Variants in CTNNA2 observed in about 807,000 individuals in gnomAD.
CTNNA2 encodes the protein catenin alpha 2, also known as catenin alpha-2.
In CTNNA2, 42 loss-of-function variants were observed where a neutral mutation model predicts 101.0. The ratio of observed to expected loss-of-function variants is 0.42; its 90% CI spans 0.32 to 0.54. The LOEUF (loss-of-function observed/expected upper bound fraction) is 0.54, where lower values mean the gene tolerates loss of function less well. CTNNA2 is among the 20% of genes least tolerant of loss of function. The pLI is 0.14. For synonymous variants in CTNNA2, 450 were observed against 456.4 expected (o/e 0.99, Z 0.18); for missense variants, 871 against 1,223.1 (o/e 0.71, Z 4.29).
chr2:79,233,767 C>A lies in CTNNA2; in HGVS notation c.-406+35691C>A, dbSNP rs542479038. Among the ~76,000 whole-genome samples, 12 of 152,092 alleles carry A rather than the reference C, an allele frequency of 7.9e-5. No homozygotes were observed. In the South Asian group the frequency reaches 2.1e-3, roughly 26 times the overall value. The stretch of plus-strand genomic sequence containing the variant: ...AAACATATATGTTTAAGATGTTAAA[C>A]CTTCTTATTGAAATGAACCCTTTAT... On this transcript the variant is annotated intron_variant, in intron 2 of 21. Coordinates refer to the CTNNA2 transcript ENST00000466387.
intron 1 of CTNNA2, among the ~76,000 whole-genome samples, chr2:79,625,115 T>G (rs1297944504): frequency 6.6e-6 from 1 of 152,186 alleles, no homozygotes; most frequent in Admixed American, 6.5e-5. Context: ...TTCCATAATT[T>G]TTTGAATAAA....
At chr2:80,601,134 A>C (rs1012401582) in intron 15 of CTNNA2, among the ~76,000 whole-genome samples, 2 of 152,038 alleles carry the variant, frequency 1.3e-5, no homozygotes, top group African/African-American at 4.8e-5. Context: ...AACCTAACAA[A>C]TAATTCTCGT....
At chr2:80,319,075 C>T (rs1347538838) in intron 7 of CTNNA2, among the ~76,000 whole-genome samples, 1 of 152,120 alleles carries the variant, frequency 6.6e-6, no homozygotes, top group Non-Finnish European at 1.5e-5. Flanking sequence ...CAGATGGGAG[C>T]CTGGCCTGGT....
chr2:79,892,544 G>A (rs1056401901), intron 6 of CTNNA2, among the ~76,000 whole-genome samples: 22 of 152,092 alleles, frequency 1.4e-4, no homozygotes, highest in African/African-American at 4.8e-4. Flanking sequence ...AATAGAATGT[G>A]ATTTCCAATT....
intron 3 of CTNNA2, among the ~76,000 whole-genome samples, chr2:79,815,771 A>AT (rs200706378): frequency 0.19 from 29,023 of 149,488 alleles, 3,577 homozygotes; most frequent in East Asian, 0.5. Context: ...TGAATTTTAG[A>AT]TTTTTTTTTT....
chr2:79,297,156 AT>A (rs1178025012), intron 2 of CTNNA2, among the ~76,000 whole-genome samples: 1 of 150,800 alleles, frequency 6.6e-6, no homozygotes, highest in East Asian at 1.9e-4. Flanking sequence ...GATGATTTTG[AT>A]TTTTGATTTT....
At chr2:80,484,776 G>A (rs148189710) in intron 9 of CTNNA2, among the ~76,000 whole-genome samples, 2,537 of 152,268 alleles carry the variant, frequency 0.017, 85 homozygotes, top group African/African-American at 0.057. Context: ...GGAGGCCAAG[G>A]CGGGCGGATC....
At chr2:79,923,623 T>C (rs898188895) in intron 7 of CTNNA2, among the ~76,000 whole-genome samples, 1 of 152,162 alleles carries the variant, frequency 6.6e-6, no homozygotes, top group Non-Finnish European at 1.5e-5. Flanking sequence ...AACTTTGAAA[T>C]ATAAAATACA....
In CTNNA2 at chr2:79,201,789, C is replaced by T. The variant is rs180963181; in HGVS notation, c.-406+3713C>T. On this transcript the variant is annotated intron_variant, in intron 2 of 21. Coordinates refer to the CTNNA2 transcript ENST00000466387. ...CCTTCGTGGTTAGCAAAATGTGAAC[C>T]CCAAATATATGAGATGGGTCTCAGT... 9.9e-4 allele frequency among the ~76,000 whole-genome samples: 150 copies of T among 152,100 alleles called. 1 individual carries two copies. Among genetic ancestry groups the T allele is most frequent in the African/African-American group, 3.6e-3 (148 of 41,488 alleles).
chr2:79,192,782 G>A (rs1283860388), intron 1 of CTNNA2, among the ~76,000 whole-genome samples: 2 of 151,940 alleles, frequency 1.3e-5, no homozygotes, highest in Non-Finnish European at 2.9e-5. Context: ...GAATAAAGTA[G>A]GTGACAAGAA....
chr2:80,424,205 T>C (rs1224597328), intron 9 of CTNNA2, among the ~76,000 whole-genome samples: 2 of 152,112 alleles, frequency 1.3e-5, no homozygotes, highest in Non-Finnish European at 1.5e-5. Flanking sequence ...CTGCCCTCCT[T>C]GGCCTCCCAA....
At chr2:79,288,452 G>A (rs1007727761) in intron 2 of CTNNA2, among the ~76,000 whole-genome samples, 3 of 152,190 alleles carry the variant, frequency 2.0e-5, no homozygotes, top group Admixed American at 6.5e-5. Context: ...CTCATTGATG[G>A]AATTCAGGTA....
intron 2 of CTNNA2, chr2:79,312,614 G>A (rs1453916147): frequency 6.6e-6 from 1 of 152,148 alleles, no homozygotes; most frequent in Non-Finnish European, 1.5e-5. Context: ...ATTATTCCAG[G>A]ATAGGGGCTA....
At chr2:79,213,027 A>C (rs1674196676) in intron 2 of CTNNA2, among the ~76,000 whole-genome samples, 1 of 152,160 alleles carries the variant, frequency 6.6e-6, no homozygotes, top group Non-Finnish European at 1.5e-5. Context: ...GACAGAATAG[A>C]ATGGGCCTGT....
At chr2:80,579,759 G>C (rs1219414836) in intron 13 of CTNNA2, among the ~76,000 whole-genome samples, 4 of 152,200 alleles carry the variant, frequency 2.6e-5, no homozygotes, top group Non-Finnish European at 5.9e-5. Flanking sequence ...CGTGCTATTG[G>C]CACGAAGGAC....
intron 1 of CTNNA2, among the ~76,000 whole-genome samples, chr2:79,580,407 G>C (rs1045543701): frequency 9.9e-5 from 15 of 152,058 alleles, no homozygotes; most frequent in African/African-American, 3.6e-4. Flanking sequence ...GCTGACGGCC[G>C]GCAAGAAAAT....
intron 7 of CTNNA2, among the ~76,000 whole-genome samples, chr2:80,179,216 T>A (rs1402161976): frequency 1.3e-5 from 2 of 152,204 alleles, no homozygotes; most frequent in East Asian, 3.9e-4. Flanking sequence ...TGAAACCACA[T>A]CTGGTACAGC....
chr2:80,631,361 A>AT (rs35491193), intron 18 of CTNNA2, among the ~76,000 whole-genome samples: 3,638 of 108,296 alleles, frequency 0.034, 69 homozygotes, highest in Middle Eastern at 0.059. Flanking sequence ...GAAACCACTA[A>AT]TTTTTTTTTT....
At chr2:80,043,130 C>T (rs1436885812) in intron 7 of CTNNA2, among the ~76,000 whole-genome samples, 11 of 36,336 alleles carry the variant, frequency 3.0e-4, no homozygotes, top group Admixed American at 4.7e-4. Flanking sequence ...TCCTTCCTTC[C>T]TTCCTTCCTT....
Sources: gnomAD v4.1 joint callset for allele counts (sites outside exome capture counted in the v4.1 genomes callset) on GRCh38, gnomAD v4.1.1 for gene constraint, MANE v1.5 for transcripts, NCBI Gene and HGNC (gene_info 2026-07-23, HGNC 2026-07-21) for gene names.